IGF2R: variants seen among roughly 807,000 people sequenced by gnomAD.
IGF2R encodes the protein cation-independent mannose-6-phosphate receptor.
Under a neutral mutation model 270.6 loss-of-function variants are expected in IGF2R, and 91 were observed. The observed-to-expected ratio is 0.34, with a 90% CI of 0.28 to 0.40. The LOEUF (loss-of-function observed/expected upper bound fraction) is 0.40. Ranked by LOEUF, IGF2R falls within the 10% of genes least tolerant of loss-of-function variation. IGF2R has a pLI of 1.00. For missense variants in IGF2R, 2,805 were observed against 3,188.3 expected, an observed-to-expected ratio of 0.88 and a Z score of 2.90; for synonymous variants, 1,316 against 1,258.9, an observed-to-expected ratio of 1.05 and a Z score of -0.96.
intron 1 of IGF2R, among the ~76,000 whole-genome samples, chr6:159,970,832 C>T (rs973221483): frequency 2.0e-5 from 3 of 151,828 alleles, no homozygotes; most frequent in Non-Finnish European, 4.4e-5. Flanking sequence ...GAATCCAGCA[C>T]TTTGGAAGGC....
chr6:160,088,860 T>C (rs1454486018), intron 42 of IGF2R, among the ~76,000 whole-genome samples: 1 of 152,214 alleles, frequency 6.6e-6, no homozygotes, highest in African/African-American at 2.4e-5. Flanking sequence ...CTGTCCATTG[T>C]GGTGATGAAA....
rs1477341208 is a variant in IGF2R at position 160,111,360 on chromosome 6, CAGGGTAAAGACA to C, written c.*6280_*6291del. ...TCCTCCTCCTCCTCCTCAGCCTACT[CAGGGTAAAGACA>C]AGGATGAAGACCTTTATGATGATCC... On this transcript the variant is annotated 3_prime_UTR_variant, in exon 48 of 48. Coordinates refer to ENST00000356956, the MANE Select transcript of IGF2R (RefSeq NM_000876.4). The C allele has an allele frequency of 6.6e-6, 1 of 152,376 alleles. No individual in the cohort carries two copies. Among genetic ancestry groups the C allele is most frequent in the Non-Finnish European group, 1.5e-5 (1 of 68,124 alleles). The allele number at this position is 152,376 out of a possible 1,614,324, so 9.4% of individuals were successfully genotyped here.
chr6:160,045,606 G>A, intron 13 of IGF2R, 139 bp from the exon 14 acceptor site: 1 of 911,730 alleles, frequency 1.1e-6, no homozygotes, highest in Middle Eastern at 2.2e-4. Flanking sequence ...GTATTTGTAG[G>A]GCTGTTTTTT....
chr6:159,990,134 G>C (rs954191190), intron 1 of IGF2R, among the ~76,000 whole-genome samples: 5 of 152,220 alleles, frequency 3.3e-5, no homozygotes, highest in African/African-American at 1.2e-4. Flanking sequence ...TAATAAAATA[G>C]AGTTAAAAAA....
chr6:160,057,949 G>T (rs1238708792), intron 20 of IGF2R, 74 bp from the exon 21 acceptor site: 1 of 830,698 alleles, frequency 1.2e-6, no homozygotes, highest in African/African-American at 1.7e-5. Flanking sequence ...GGTTTCTGGA[G>T]GTGCTGTATG....
chr6:160,037,749 G>T (rs557840675), intron 10 of IGF2R, among the ~76,000 whole-genome samples: 1 of 151,930 alleles, frequency 6.6e-6, no homozygotes, highest in South Asian at 2.1e-4. Flanking sequence ...CCCATTAAAG[G>T]TTTATTTTCT....
At chr6:160,044,420 TTC>T in intron 12 of IGF2R, 92 bp from the exon 13 acceptor site, 1 of 1,119,912 alleles carries the variant, frequency 8.9e-7, no homozygotes, top group Non-Finnish European at 1.3e-6. Context: ...CTTTCTTTCT[TTC>T]TCTTTCTTTC....
intron 10 of IGF2R, among the ~76,000 whole-genome samples, chr6:160,038,318 A>G (rs957417365): frequency 6.6e-6 from 1 of 152,232 alleles, no homozygotes; most frequent in African/African-American, 2.4e-5. Flanking sequence ...GTCAAAGCCC[A>G]GTATGCTTAA....
intron 19 of IGF2R, among the ~76,000 whole-genome samples, chr6:160,052,995 G>A (rs1202260064): frequency 1.3e-5 from 2 of 152,138 alleles, no homozygotes; most frequent in Non-Finnish European, 2.9e-5. Flanking sequence ...GAAAACCTAA[G>A]CAATACCATT....
At chr6:159,991,562 T>C (rs1329643013) in intron 2 of IGF2R, among the ~76,000 whole-genome samples, 1 of 152,360 alleles carries the variant, frequency 6.6e-6, no homozygotes, top group East Asian at 1.9e-4. Flanking sequence ...ACAGCTGTTA[T>C]GAAGAATTAT....
intron 36 of IGF2R, 104 bp from the exon 37 acceptor site, chr6:160,078,097 A>T (rs1344449887): frequency 9.0e-7 from 1 of 1,108,380 alleles, no homozygotes; most frequent in Non-Finnish European, 1.3e-6. Context: ...TCCCTCTGAG[A>T]GGCCGCTGTG....
At chr6:160,071,827 A>T in intron 31 of IGF2R, 83 bp from the exon 32 acceptor site, 1 of 1,553,198 alleles carries the variant, frequency 6.4e-7, no homozygotes, top group African/African-American at 1.4e-5. Flanking sequence ...TTTTTCAGAG[A>T]AGCTTCCACT....
At position 159,991,268 on chromosome 6, in the gene IGF2R, G is replaced by T. The variant is rs1212228726; in HGVS notation, c.234G>T (p.Gly78=). The T allele has an allele frequency of 1.9e-6, 3 of 1,613,678 alleles. No individual in the cohort carries two copies. Among genetic ancestry groups the T allele is most frequent in the African/African-American group, 1.3e-5 (1 of 74,898 alleles). The change falls in exon 2 of 48, where the codon GGG becomes GGT. Residue 78 remains glycine, a synonymous_variant. Transcript: ENST00000356956. ...GAAGTGTGGATATTGTCCAGTGCGG[G>T]CCATCAAGTGCTGTTTGTATGCACG... ...ICGSVDIVQC[G]PSSAVCMHDL...
chr6:159,970,991 T>C (rs1288415736), intron 1 of IGF2R, among the ~76,000 whole-genome samples: 1 of 152,186 alleles, frequency 6.6e-6, no homozygotes, highest in Non-Finnish European at 1.5e-5. Flanking sequence ...GGTGGTAGGA[T>C]AACGTTAGCC....
chr6:160,018,273 C>T (rs1420864219), intron 4 of IGF2R, among the ~76,000 whole-genome samples: 1 of 151,898 alleles, frequency 6.6e-6, no homozygotes, highest in African/African-American at 2.4e-5. Flanking sequence ...AAAAGATGGT[C>T]ATTATATGAT....
Position 160,084,865 on chromosome 6 carries a change from A to C in IGF2R, c.6069-130A>C. 1 of 830,232 alleles carries C rather than the reference A, an allele frequency of 1.2e-6. No individual in the cohort carries two copies. Among genetic ancestry groups the C allele is most frequent in the Non-Finnish European group, 1.9e-6 (1 of 530,442 alleles). The allele number at this position is 830,232 out of a possible 1,614,324, so 51.4% of individuals were successfully genotyped here. ...TAATTGGAAAAGCTATTTTAGTGCT[A>C]CATTCAGTGATGGAATGGAGCCCTT... On this transcript the variant is annotated intron_variant, in intron 40 of 47. Coordinates refer to ENST00000356956, the MANE Select transcript of IGF2R (RefSeq NM_000876.4). The surrounding 1 kb of genome is among the most constrained non-coding windows in gnomAD (Gnocchi z 4.6).
intron 29 of IGF2R, among the ~76,000 whole-genome samples, chr6:160,065,814 G>GTGTATGTATATATATATATATATATATA: frequency 1.3e-5 from 1 of 78,394 alleles, no homozygotes; most frequent in African/African-American, 5.6e-5. Flanking sequence ...GTGTGTGTGT[G>GTGTATGTATATATATATATATATATATA]TATATATATA....
At chr6:160,061,978 C>T in intron 25 of IGF2R, 50 bp downstream of exon 25, 1 of 1,549,564 alleles carries the variant, frequency 6.5e-7, no homozygotes, top group South Asian at 1.1e-5. Context: ...GACTCCATTT[C>T]CCATTTCCCT....
chr6:160,083,054 T>C (rs559379339), intron 39 of IGF2R, among the ~76,000 whole-genome samples: 2 of 152,244 alleles, frequency 1.3e-5, no homozygotes, highest in Non-Finnish European at 2.9e-5. Flanking sequence ...ACCAAGGACC[T>C]GCACCGGCAT....
Sources: allele counts gnomAD v4.1 joint callset (sites outside exome capture counted in the v4.1 genomes callset), GRCh38; gene constraint gnomAD v4.1.1; non-coding constraint Gnocchi (gnomAD v3.1); transcripts MANE v1.5; gene names NCBI Gene and HGNC (gene_info 2026-07-23, HGNC 2026-07-21).